NR2F1-AS1: variants seen among roughly 807,000 people sequenced by gnomAD.
NR2F1-AS1 encodes NR2F1 regulatory antisense RNA 1, also known as NR2F1 antisense RNA 1.
chr5:93,435,402 T>G (rs1344386843), intron 4 of NR2F1-AS1, among the ~76,000 whole-genome samples: 1 of 152,202 alleles, frequency 6.6e-6, no homozygotes, highest in East Asian at 1.9e-4. Context: ...ATCACTTTAT[T>G]TGTTTTCTGA....
intron 4 of NR2F1-AS1, among the ~76,000 whole-genome samples, chr5:93,522,115 C>T (rs1016260862): frequency 2.6e-5 from 4 of 152,000 alleles, no homozygotes; most frequent in East Asian, 3.9e-4. Context: ...GAACAGGAAA[C>T]GAAATACCAC....
intron 4 of NR2F1-AS1, among the ~76,000 whole-genome samples, chr5:93,456,702 C>A (rs1749954647): frequency 6.6e-6 from 1 of 151,204 alleles, no homozygotes; most frequent in African/African-American, 2.4e-5. Context: ...GCCCAGGGAA[C>A]CGGCGTTCAG....
intron 4 of NR2F1-AS1, among the ~76,000 whole-genome samples, chr5:93,539,711 T>A (rs1561489922): frequency 1.3e-5 from 2 of 152,142 alleles, no homozygotes; most frequent in African/African-American, 4.8e-5. Flanking sequence ...AAGGTAACTA[T>A]GGTTAACATT....
At chr5:93,432,032 C>A (rs1243783870) in intron 4 of NR2F1-AS1, among the ~76,000 whole-genome samples, 1 of 152,150 alleles carries the variant, frequency 6.6e-6, no homozygotes, top group Non-Finnish European at 1.5e-5. Flanking sequence ...GCTGTTAAAG[C>A]AGCCTTGTAT....
chr5:93,528,183 G>A (rs993956507), intron 4 of NR2F1-AS1, among the ~76,000 whole-genome samples: 1 of 152,116 alleles, frequency 6.6e-6, no homozygotes, highest in Non-Finnish European at 1.5e-5. Context: ...ATTAAAAAGT[G>A]GGCAAACGAT....
intron 1 of NR2F1-AS1, among the ~76,000 whole-genome samples, chr5:93,580,049 G>C (rs942805305): frequency 5.9e-5 from 9 of 152,210 alleles, no homozygotes; most frequent in African/African-American, 1.9e-4. Context: ...AGCCGGGCCG[G>C]ACTCTGCAGC....
chr5:93,445,539 A>G (rs1479690723), intron 4 of NR2F1-AS1, among the ~76,000 whole-genome samples: 1 of 152,182 alleles, frequency 6.6e-6, no homozygotes, highest in East Asian at 1.9e-4. Flanking sequence ...AGGCTCTGAA[A>G]TTGAGGCAAT....
chr5:93,580,197 CTG>C (rs2149935450), intron 1 of NR2F1-AS1, among the ~76,000 whole-genome samples: 1 of 152,366 alleles, frequency 6.6e-6, no homozygotes, highest in South Asian at 2.1e-4. Flanking sequence ...TGGGAGCAGC[CTG>C]TTTTGAATGT....
At chr5:93,447,130 G>A (rs574151081) in intron 4 of NR2F1-AS1, among the ~76,000 whole-genome samples, 6 of 152,242 alleles carry the variant, frequency 3.9e-5, no homozygotes, top group African/African-American at 7.2e-5. Context: ...TACCATTCAG[G>A]ACATAGGCAT....
intron 4 of NR2F1-AS1, among the ~76,000 whole-genome samples, chr5:93,522,342 T>C (rs894676573): frequency 1.3e-5 from 2 of 152,074 alleles, no homozygotes; most frequent in Admixed American, 1.3e-4. Context: ...TTCACAAGTA[T>C]CCCCGAACCT....
chr5:93,492,208 A>T (rs1453472742), intron 4 of NR2F1-AS1, among the ~76,000 whole-genome samples: 1 of 152,238 alleles, frequency 6.6e-6, no homozygotes, highest in Non-Finnish European at 1.5e-5. Flanking sequence ...ATGTATGGAC[A>T]AATTCCTAGA....
intron 4 of NR2F1-AS1, among the ~76,000 whole-genome samples, chr5:93,472,170 A>G (rs1468147316): frequency 6.6e-6 from 1 of 151,838 alleles, no homozygotes; most frequent in Non-Finnish European, 1.5e-5. Context: ...ATCCTTAATG[A>G]TATCAATGAA....
intron 4 of NR2F1-AS1, among the ~76,000 whole-genome samples, chr5:93,532,559 T>G (rs1751757199): frequency 6.6e-6 from 1 of 152,218 alleles, no homozygotes; most frequent in African/African-American, 2.4e-5. Flanking sequence ...CAAAATGGCT[T>G]ATTACCTTTC....
At chr5:93,552,671 CAAAA>C (rs774291890) in intron 4 of NR2F1-AS1, among the ~76,000 whole-genome samples, 1 of 61,730 alleles carries the variant, frequency 1.6e-5, no homozygotes, top group Admixed American at 1.8e-4. Context: ...ATAACAATTA[CAAAA>C]AAAAAAAAAA....
At chr5:93,465,483 T>C (rs572031309) in intron 4 of NR2F1-AS1, among the ~76,000 whole-genome samples, 1 of 152,318 alleles carries the variant, frequency 6.6e-6, no homozygotes, top group South Asian at 2.1e-4. Flanking sequence ...GGTGGGAGTG[T>C]AAATTAGTTC....
At chr5:93,445,521 CCAA>C (rs1468173450) in intron 4 of NR2F1-AS1, among the ~76,000 whole-genome samples, 1 of 152,004 alleles carries the variant, frequency 6.6e-6, no homozygotes. Flanking sequence ...CCTGAATAGA[CCAA>C]CAACAGGCTC....
chr5:93,417,685 T>C (rs1237177353), intron 4 of NR2F1-AS1, among the ~76,000 whole-genome samples: 3 of 152,232 alleles, frequency 2.0e-5, no homozygotes, highest in Non-Finnish European at 4.4e-5. Context: ...GCACAGTATG[T>C]GGTCATTCCT....
chr5:93,444,067 G>A (rs1749635439), intron 4 of NR2F1-AS1, among the ~76,000 whole-genome samples: 5 of 152,228 alleles, frequency 3.3e-5, no homozygotes, highest in African/African-American at 1.2e-4. Context: ...ACATGGAAAG[G>A]CACAACCGGT....
intron 1 of NR2F1-AS1, among the ~76,000 whole-genome samples, chr5:93,574,471 C>T (rs573536614): frequency 6.6e-6 from 1 of 152,208 alleles, no homozygotes; most frequent in East Asian, 1.9e-4. Context: ...GACCCTGGGC[C>T]ACCACATCAT....
Sources: allele counts gnomAD v4.1 joint callset (sites outside exome capture counted in the v4.1 genomes callset), GRCh38; gene constraint gnomAD v4.1.1; transcripts MANE v1.5; gene names NCBI Gene and HGNC (gene_info 2026-07-23, HGNC 2026-07-21).